PARD3B: variants seen among roughly 807,000 people sequenced by gnomAD.
PARD3B encodes partitioning defective 3 homolog B.
PARD3B carries 103 observed loss-of-function variants against 130.2 expected under a neutral mutation model. That is an observed-to-expected ratio of 0.79 (90% CI 0.67 to 0.93). The LOEUF (loss-of-function observed/expected upper bound fraction) is 0.93, where lower values mean the gene tolerates loss of function less well. Among genes scored for constraint, PARD3B ranks in the 40% least tolerant of loss-of-function variants. PARD3B has a pLI of 0.00. For synonymous variants in PARD3B, 583 were observed against 553.2 expected (o/e 1.05, Z -0.76); for missense variants, 1,609 against 1,499.2 (o/e 1.07, Z -1.21).
intron 2 of PARD3B, among the ~76,000 whole-genome samples, chr2:204,731,209 A>T (rs1162925990): frequency 1.1e-4 from 16 of 152,208 alleles, no homozygotes; most frequent in African/African-American, 3.1e-4. Flanking sequence ...TTACCCACTG[A>T]AGCAATGAAT....
intron 16 of PARD3B, among the ~76,000 whole-genome samples, chr2:205,278,252 C>T (rs920326499): frequency 6.6e-6 from 1 of 152,102 alleles, no homozygotes; most frequent in Non-Finnish European, 1.5e-5. Flanking sequence ...CTGGATGACA[C>T]CTCTGGGTTC....
At chr2:204,973,083 G>A (rs1691845197) in intron 3 of PARD3B, among the ~76,000 whole-genome samples, 1 of 152,082 alleles carries the variant, frequency 6.6e-6, no homozygotes, top group Admixed American at 6.6e-5. Context: ...GCCCCCACCA[G>A]TAAAACCACC....
intron 3 of PARD3B, among the ~76,000 whole-genome samples, chr2:205,019,772 C>T (rs538281269): frequency 3.3e-5 from 5 of 152,040 alleles, no homozygotes; most frequent in Middle Eastern, 6.8e-3. Context: ...ACAACAAAGG[C>T]GGAAACTTTG....
intron 18 of PARD3B, among the ~76,000 whole-genome samples, chr2:205,383,123 GATA>G (rs1296449040): frequency 6.6e-6 from 1 of 150,786 alleles, no homozygotes; most frequent in African/African-American, 2.4e-5. Context: ...TAGATAGATA[GATA>G]GATAGATAGA....
At chr2:205,278,031 T>C (rs1019741302) in intron 16 of PARD3B, among the ~76,000 whole-genome samples, 4 of 152,150 alleles carry the variant, frequency 2.6e-5, no homozygotes, top group African/African-American at 9.7e-5. Context: ...GGTAGCACCA[T>C]GCTTGGACGC....
chr2:204,569,446 A>G (rs191944313), intron 1 of PARD3B, among the ~76,000 whole-genome samples: 15 of 152,326 alleles, frequency 9.8e-5, no homozygotes, highest in African/African-American at 3.4e-4. Flanking sequence ...GATGTGTAAC[A>G]TAGAGTAGTA....
intron 18 of PARD3B, among the ~76,000 whole-genome samples, chr2:205,376,134 T>C (rs374866152): frequency 6.6e-6 from 1 of 152,126 alleles, no homozygotes; most frequent in South Asian, 2.1e-4. Context: ...CATTTAACTT[T>C]CCATAATCCT....
chr2:204,692,759 G>A lies in PARD3B; in HGVS notation c.222+6477G>A, dbSNP rs144801277. Among the ~76,000 whole-genome samples the A allele has an allele frequency of 7.7e-4, 117 of 152,106 alleles. 1 individual carries two copies. The highest frequency in any genetic ancestry group is 2.7e-3 in the African/African-American group (113 of 41,508). ...ATGCAGAAGCTCCTGAAGAACAAATGAATTACCTTGGTCATGAAATTTTAG... is the reference window on the plus strand; with the variant it reads ...ATGCAGAAGCTCCTGAAGAACAAATAAATTACCTTGGTCATGAAATTTTAG... On this transcript the variant is annotated intron_variant, in intron 2 of 22. Transcript: ENST00000406610.
In PARD3B at chr2:205,125,483, T is replaced by C. The variant is rs2031268469; in HGVS notation, c.1306-126T>C. 1.3e-5 allele frequency: 14 copies of C among 1,073,756 alleles called. No individual in the cohort carries two copies. The South Asian group carries it at 2.1e-4, about 16-fold the overall frequency. 66.5% of individuals were successfully genotyped at this position (1,073,756 alleles called of 1,614,324 possible). A position where few individuals can be genotyped will look rare whatever the true frequency, so the allele number is the denominator to read the frequency against. ...TGTTGGGTTTTGCCCATGTATTTAG[T>C]TATCATCTTTTCAGAGCTTCCTCAA... is the stretch of plus-strand genomic sequence containing the variant. On this transcript the variant is annotated intron_variant, in intron 9 of 22. Coordinates refer to ENST00000406610, the MANE Select transcript of PARD3B (RefSeq NM_001302769.2). The surrounding 1 kb of genome is among the most constrained non-coding windows in gnomAD (Gnocchi z 4.0).
At chr2:205,140,878 G>A (rs1378481206) in intron 10 of PARD3B, among the ~76,000 whole-genome samples, 1 of 152,072 alleles carries the variant, frequency 6.6e-6, no homozygotes, top group Non-Finnish European at 1.5e-5. Flanking sequence ...AGTCGAAAAG[G>A]CATCTGAACA....
At chr2:204,741,350 GTTCT>G (rs2040001516) in intron 2 of PARD3B, among the ~76,000 whole-genome samples, 1 of 152,210 alleles carries the variant, frequency 6.6e-6, no homozygotes, top group East Asian at 1.9e-4. Flanking sequence ...ATGCTGCTGA[GTTCT>G]TTGTTTTTTT....
intron 1 of PARD3B, among the ~76,000 whole-genome samples, chr2:204,611,265 C>A (rs1179710113): frequency 6.6e-6 from 1 of 152,118 alleles, no homozygotes; most frequent in African/African-American, 2.4e-5. Context: ...AGGAAGAAAT[C>A]CTTGTAGCCC....
At chr2:204,690,226 T>G (rs542505789) in intron 2 of PARD3B, among the ~76,000 whole-genome samples, 2 of 152,258 alleles carry the variant, frequency 1.3e-5, no homozygotes, top group East Asian at 3.9e-4. Context: ...CATATGCAAT[T>G]ACAAAGAAAA....
chr2:204,981,196 ACT>A (rs570388628), intron 3 of PARD3B, among the ~76,000 whole-genome samples: 2 of 152,112 alleles, frequency 1.3e-5, no homozygotes, highest in Non-Finnish European at 2.9e-5. Context: ...ATGTCCTATG[ACT>A]CTGCCATTTC....
intron 10 of PARD3B, among the ~76,000 whole-genome samples, chr2:205,137,053 G>A (rs913893769): frequency 2.0e-5 from 3 of 152,150 alleles, no homozygotes; most frequent in African/African-American, 7.2e-5. Context: ...TGGTATTAGA[G>A]AAACAATATA....
intron 2 of PARD3B, among the ~76,000 whole-genome samples, chr2:204,773,698 C>G (rs2041490752): frequency 1.3e-5 from 2 of 152,096 alleles, no homozygotes. Flanking sequence ...ATAATCTCTA[C>G]TATTGCCTTG....
intron 18 of PARD3B, among the ~76,000 whole-genome samples, chr2:205,376,398 GC>G (rs1384697844): frequency 2.6e-5 from 3 of 116,888 alleles, no homozygotes; most frequent in Admixed American, 7.6e-5. Flanking sequence ...TGGGAGAGCA[GC>G]TGGCCCATTA....
intron 1 of PARD3B, among the ~76,000 whole-genome samples, chr2:204,600,665 G>A (rs376629471): frequency 2.1e-4 from 32 of 151,786 alleles, no homozygotes; most frequent in Admixed American, 3.9e-4. Flanking sequence ...TGCCTAGAGA[G>A]GAAAAATGTT....
intron 16 of PARD3B, among the ~76,000 whole-genome samples, chr2:205,252,423 G>A (rs899143900): frequency 3.9e-5 from 6 of 152,204 alleles, no homozygotes; most frequent in Admixed American, 3.9e-4. Flanking sequence ...ATGCTAAAGA[G>A]TTCAATGCAA....
Sources: gnomAD v4.1 joint callset for allele counts (sites outside exome capture counted in the v4.1 genomes callset) on GRCh38, gnomAD v4.1.1 for gene constraint, Gnocchi (gnomAD v3.1) non-coding constraint, MANE v1.5 for transcripts, NCBI Gene and HGNC (gene_info 2026-07-23, HGNC 2026-07-21) for gene names.